DUSP14: variants seen among roughly 807,000 people sequenced by gnomAD.
DUSP14 encodes dual specificity phosphatase 14.
Under a neutral mutation model 13.2 loss-of-function variants are expected in DUSP14, and 5 were observed. That is an observed-to-expected ratio of 0.38 (90% CI 0.20 to 0.80). The LOEUF is 0.80. Among genes scored for constraint, DUSP14 ranks in the 30% least tolerant of loss-of-function variants. DUSP14 has a pLI of 0.44. For missense variants in DUSP14, 185 were observed against 264.0 expected (o/e 0.70, Z 2.07); for synonymous variants, 91 against 103.4 (o/e 0.88, Z 0.73).
At chr17:37,490,170 T>A (rs534348182) in intron 1 of DUSP14, among the ~76,000 whole-genome samples, 1 of 148,160 alleles carries the variant, frequency 6.7e-6, no homozygotes. Context: ...CCCGAGACCT[T>A]CCGCAGCGCA....
Position 37,512,972 on chromosome 17 carries a change from C to A in DUSP14, c.*103C>A. On this transcript the variant is annotated 3_prime_UTR_variant, in exon 3 of 3. Coordinates refer to ENST00000617516, the MANE Select transcript of DUSP14 (RefSeq NM_007026.4). The surrounding 1 kb of genome is among the most constrained non-coding windows in gnomAD (Gnocchi z 4.8). ...CTCAAATGGCTGACTTCTGGTTCTCCCTCAAGTGTTTTTTACACTGGGTGT... is the reference window on the plus strand; with the variant it reads ...CTCAAATGGCTGACTTCTGGTTCTCACTCAAGTGTTTTTTACACTGGGTGT... The A allele has an allele frequency of 9.7e-7, 1 of 1,025,944 alleles. No homozygotes were observed. Among genetic ancestry groups the A allele is most frequent in the Non-Finnish European group, 1.4e-6 (1 of 691,332 alleles). 63.6% of individuals were successfully genotyped at this position (1,025,944 alleles called of 1,614,324 possible).
At chr17:37,498,130 A>G (rs1357318088) in intron 1 of DUSP14, among the ~76,000 whole-genome samples, 1 of 151,386 alleles carries the variant, frequency 6.6e-6, no homozygotes, top group Non-Finnish European at 1.5e-5. Context: ...TGGAACTCTT[A>G]GAGCATTTCA....
chr17:37,502,829 G>A (rs2054113758), intron 1 of DUSP14, among the ~76,000 whole-genome samples: 1 of 152,004 alleles, frequency 6.6e-6, no homozygotes, highest in Non-Finnish European at 1.5e-5. Flanking sequence ...TGTGCGACAT[G>A]TTTGTGCTCT....
At chr17:37,506,224 C>T (rs1457545846) in intron 1 of DUSP14, among the ~76,000 whole-genome samples, 5 of 152,038 alleles carry the variant, frequency 3.3e-5, no homozygotes, top group Non-Finnish European at 5.9e-5. Flanking sequence ...GAGATAGCGC[C>T]ATTGCACTCT....
Position 37,495,256 on chromosome 17 carries a change from G to A in DUSP14, c.-181+5298G>A, listed in dbSNP as rs9904695. On this transcript the variant is annotated intron_variant, in intron 1 of 2. Transcript: ENST00000617516. ...TCACAGCCATGCCCTTTCATGTGCA[G>A]CCCACCCAGCTCACCTGGGCACGTC... 7.0e-3 allele frequency among the ~76,000 whole-genome samples: 1,071 copies of A among 152,292 alleles called. 16 individuals carry two copies. Among genetic ancestry groups the A allele is most frequent in the African/African-American group, 0.025 (1,021 of 41,558 alleles).
In DUSP14 at chr17:37,513,113, A is replaced by AATC. The variant is rs1399591303; in HGVS notation, c.*247_*249dup. 1.1e-5 allele frequency: 6 copies of AATC among 534,138 alleles called. No homozygotes were observed. Among genetic ancestry groups the AATC allele is most frequent in the Non-Finnish European group, 2.0e-5 (6 of 295,942 alleles). 33.1% of individuals were successfully genotyped at this position (534,138 alleles called of 1,614,324 possible). On this transcript the variant is annotated 3_prime_UTR_variant, in exon 3 of 3. Transcript: ENST00000617516. ...GTGTTTATGGAAATCTTTAGCTTTTAATCATTTTTACCAATTTGAACAGTT... is the reference window on the plus strand; with the variant it reads ...GTGTTTATGGAAATCTTTAGCTTTTAATCATCATTTTTACCAATTTGAACAGTT...
intron 1 of DUSP14, among the ~76,000 whole-genome samples, chr17:37,503,553 T>C (rs2054118836): frequency 6.6e-6 from 1 of 152,240 alleles, no homozygotes; most frequent in African/African-American, 2.4e-5. Context: ...GACCGCATTA[T>C]ATAAACTCAG....
At chr17:37,489,867 G>GGCGGCGCGC (rs2054013725), upstream of DUSP14, 1 of 147,830 alleles carries the variant, frequency 6.8e-6, no homozygotes, top group Admixed American at 6.7e-5. Context: ...GGGAGGAGGA[G>GGCGGCGCGC]GCGGCGCGCG....
At chr17:37,493,019 ATGTG>A (rs892925742) in intron 1 of DUSP14, among the ~76,000 whole-genome samples, 1 of 151,928 alleles carries the variant, frequency 6.6e-6, no homozygotes, top group Non-Finnish European at 1.5e-5. Flanking sequence ...ATGTGTATGT[ATGTG>A]TGTGTGTATG....
At chr17:37,488,934 C>A (rs1184089811), upstream of DUSP14, among the ~76,000 whole-genome samples, 4 of 152,210 alleles carry the variant, frequency 2.6e-5, no homozygotes, top group African/African-American at 9.7e-5. Context: ...CAACCATTTG[C>A]AACGGCGAGG....
intron 1 of DUSP14, 141 bp downstream of exon 1, chr17:37,490,099 C>G (rs1411410197): frequency 1.3e-5 from 2 of 151,718 alleles, no homozygotes; most frequent in African/African-American, 4.8e-5. Flanking sequence ...AACTTTGTGC[C>G]GGCGCCCCCA....
chr17:37,509,381 A>G (rs1277948035), intron 1 of DUSP14, among the ~76,000 whole-genome samples: 1 of 141,122 alleles, frequency 7.1e-6, no homozygotes, highest in Non-Finnish European at 1.5e-5. Flanking sequence ...CAGTGGTGCA[A>G]TTTCGGCTCC....
intron 1 of DUSP14, among the ~76,000 whole-genome samples, chr17:37,499,965 G>A (rs1415228590): frequency 4.6e-5 from 7 of 152,332 alleles, no homozygotes; most frequent in South Asian, 4.1e-4. Flanking sequence ...GACCCCTCTC[G>A]TTCAGCTGAA....
chr17:37,495,633 G>A (rs2054059018), intron 1 of DUSP14, among the ~76,000 whole-genome samples: 1 of 151,596 alleles, frequency 6.6e-6, no homozygotes. Flanking sequence ...ACCAGTAGGT[G>A]AACTTGCTTT....
chr17:37,511,023 T>C (rs1318292034), intron 2 of DUSP14, among the ~76,000 whole-genome samples: 1 of 151,918 alleles, frequency 6.6e-6, no homozygotes, highest in Non-Finnish European at 1.5e-5. Context: ...TATGTAAATG[T>C]ATATATTGAC....
intron 1 of DUSP14, among the ~76,000 whole-genome samples, chr17:37,499,418 C>A (rs2054090504): frequency 1.3e-5 from 2 of 152,174 alleles, no homozygotes; most frequent in Non-Finnish European, 2.9e-5. Context: ...TGGCTCACTG[C>A]AGCCTCGAAC....
chr17:37,509,301 T>TGC (rs1187908898), intron 1 of DUSP14, among the ~76,000 whole-genome samples: 1 of 119,848 alleles, frequency 8.3e-6, no homozygotes, highest in African/African-American at 3.2e-5. Flanking sequence ...ATATATAGTG[T>TGC]GTGTGTGTGT....
At chr17:37,498,314 C>CTTTTTTTTTTTTTTTTT (rs765033929) in intron 1 of DUSP14, among the ~76,000 whole-genome samples, 2 of 70,578 alleles carry the variant, frequency 2.8e-5, no homozygotes, top group African/African-American at 1.2e-4. Context: ...TAGATTGTAT[C>CTTTTTTTTTTTTTTTTT]TTTTTTTTTT....
At chr17:37,498,314 C>CTTTTTTTTTTTTTTTTTTTTTT in intron 1 of DUSP14, among the ~76,000 whole-genome samples, 1 of 70,578 alleles carries the variant, frequency 1.4e-5, no homozygotes, top group African/African-American at 5.9e-5. Context: ...TAGATTGTAT[C>CTTTTTTTTTTTTTTTTTTTTTT]TTTTTTTTTT....
Sources: allele counts gnomAD v4.1 joint callset (sites outside exome capture counted in the v4.1 genomes callset), GRCh38; gene constraint gnomAD v4.1.1; non-coding constraint Gnocchi (gnomAD v3.1); transcripts MANE v1.5; gene names NCBI Gene and HGNC (gene_info 2026-07-23, HGNC 2026-07-21).